The following FAM135B variants were observed in gnomAD, a reference collection of about 807,000 sequenced individuals.
FAM135B encodes family with sequence similarity 135 member B.
A neutral mutation model predicts 127.7 loss-of-function variants in FAM135B; 43 were observed. That is an observed-to-expected ratio of 0.34 (90% CI 0.26 to 0.43). FAM135B has a LOEUF of 0.43. FAM135B is among the 20% of genes least tolerant of loss of function. The pLI is 1.00. For missense variants in FAM135B, 1,558 were observed against 1,725.6 expected, an observed-to-expected ratio of 0.90 and a Z score of 1.72; for synonymous variants, 670 against 665.1, an observed-to-expected ratio of 1.01 and a Z score of -0.11.
At chr8:138,445,010 G>C (rs544975048) in intron 1 of FAM135B, among the ~76,000 whole-genome samples, 1 of 152,288 alleles carries the variant, frequency 6.6e-6, no homozygotes, top group South Asian at 2.1e-4. Flanking sequence ...TACCATCAGA[G>C]AATACTATAA....
chr8:138,344,494 T>A (rs1017747215), intron 2 of FAM135B, among the ~76,000 whole-genome samples: 2 of 152,004 alleles, frequency 1.3e-5, no homozygotes, highest in Non-Finnish European at 1.5e-5. Context: ...CCTTCAGGTC[T>A]CCTGTTAAAT....
At chr8:138,364,600 G>A (rs1830627241) in intron 2 of FAM135B, among the ~76,000 whole-genome samples, 1 of 152,142 alleles carries the variant, frequency 6.6e-6, no homozygotes, top group Admixed American at 6.6e-5. Context: ...CTAGAAGCTT[G>A]TAAGAATATT....
In FAM135B at chr8:138,132,976, T is replaced by C. The variant is rs1381797496; in HGVS notation, c.4016-178A>G. Among the ~76,000 whole-genome samples the C allele has an allele frequency of 6.6e-6, 1 of 152,260 alleles. No homozygotes were observed. The highest frequency in any genetic ancestry group is 6.5e-5 in the Admixed American group (1 of 15,288). ...AAATAAAATCAAAGTTCTCTTTTTC[T>C]AGTCAGATGACAATAGCCAGAAGTC... On this transcript the variant is annotated intron_variant, in intron 19 of 19. Coordinates refer to ENST00000395297, the MANE Select transcript of FAM135B (RefSeq NM_015912.4). This position sits in a 1 kb window ranked among gnomAD's most constrained non-coding sequence, Gnocchi z 4.5.
At chr8:138,347,548 G>A (rs374406038) in intron 2 of FAM135B, among the ~76,000 whole-genome samples, 11 of 152,264 alleles carry the variant, frequency 7.2e-5, no homozygotes, top group African/African-American at 2.4e-4. Flanking sequence ...TGCCCAGTCA[G>A]GATTGCACAC....
Position 138,457,843 on chromosome 8 carries a change from G to C in FAM135B, c.-20+38828C>G, listed in dbSNP as rs1225447650. 2.0e-5 allele frequency among the ~76,000 whole-genome samples: 3 copies of C among 152,154 alleles called. No individual in the cohort carries two copies. The East Asian group carries it at 5.8e-4, about 30-fold the overall frequency. On this transcript the variant is annotated intron_variant, in intron 1 of 19. Transcript: ENST00000395297. ...ACACAAAAAATTAGCCAGGCGCCCT[G>C]ATGGGCACCTGTAATCTCAGCTACT...
intron 13 of FAM135B, 62 bp downstream of exon 13, chr8:138,151,132 A>G: frequency 3.8e-6 from 5 of 1,313,776 alleles, no homozygotes; most frequent in Non-Finnish European, 4.1e-6. Context: ...CATGAAATGG[A>G]GAAATATGTG....
intron 2 of FAM135B, among the ~76,000 whole-genome samples, chr8:138,363,648 G>A (rs767876163): frequency 6.6e-6 from 1 of 152,186 alleles, no homozygotes; most frequent in Non-Finnish European, 1.5e-5. Context: ...TCATTACAAG[G>A]CAGTGTGCAT....
At chr8:138,339,433 C>A (rs9324484) in intron 2 of FAM135B, among the ~76,000 whole-genome samples, 134,772 of 150,914 alleles carry the variant, frequency 0.89, 61,447 homozygotes, top group Non-Finnish European at 0.98. Context: ...TCCCCCACCA[C>A]CCCCCACACA....
intron 1 of FAM135B, among the ~76,000 whole-genome samples, chr8:138,473,375 T>C (rs1159482880): frequency 6.6e-6 from 1 of 152,084 alleles, no homozygotes; most frequent in African/African-American, 2.4e-5. Flanking sequence ...CCAGCATCCT[T>C]AGAATGCTTT....
chr8:138,300,908 G>A (rs1388013252), intron 3 of FAM135B, among the ~76,000 whole-genome samples: 1 of 151,742 alleles, frequency 6.6e-6, no homozygotes, highest in Non-Finnish European at 1.5e-5. Flanking sequence ...GCACCAACAC[G>A]CCCAGCTAAT....
chr8:138,429,323 T>C (rs1835071386), intron 1 of FAM135B, among the ~76,000 whole-genome samples: 2 of 152,180 alleles, frequency 1.3e-5, no homozygotes, highest in Admixed American at 6.5e-5. Flanking sequence ...TTGCATGGTA[T>C]ATGATAGGTG....
At chr8:138,369,050 T>C (rs1223933585) in intron 1 of FAM135B, among the ~76,000 whole-genome samples, 1 of 152,178 alleles carries the variant, frequency 6.6e-6, no homozygotes, top group Non-Finnish European at 1.5e-5. Flanking sequence ...TGGAATGTGC[T>C]GGTGGTGTGG....
chr8:138,418,545 G>GAGAAGAGGT (rs1179175817), intron 1 of FAM135B, among the ~76,000 whole-genome samples: 1 of 151,880 alleles, frequency 6.6e-6, no homozygotes, highest in Non-Finnish European at 1.5e-5. Context: ...GGCAGCTAGA[G>GAGAAGAGGT]AGAAGAGGTA....
At chr8:138,422,121 C>T (rs1170919564) in intron 1 of FAM135B, among the ~76,000 whole-genome samples, 2 of 152,032 alleles carry the variant, frequency 1.3e-5, no homozygotes, top group South Asian at 2.1e-4. Flanking sequence ...AAAGTCAACA[C>T]AAAATGGATT....
Position 138,414,123 on chromosome 8 carries a change from T to TATA in FAM135B, c.-19-46124_-19-46122dup, listed in dbSNP as rs538823690. ...TCCCCTGTTCACACACAAATACATA[T>TATA]ATATATATATATATATGCACAAAAA... On this transcript the variant is annotated intron_variant, in intron 1 of 19. Coordinates refer to ENST00000395297, the MANE Select transcript of FAM135B (RefSeq NM_015912.4). Among the ~76,000 whole-genome samples the TATA allele has an allele frequency of 9.5e-3, 1,411 of 148,792 alleles. 37 individuals are homozygous for TATA. Among genetic ancestry groups the TATA allele is most frequent in the African/African-American group, 0.033 (1,327 of 40,474 alleles).
chr8:138,416,882 A>G (rs1176923132), intron 1 of FAM135B, among the ~76,000 whole-genome samples: 4 of 152,170 alleles, frequency 2.6e-5, no homozygotes, highest in Non-Finnish European at 5.9e-5. Flanking sequence ...ACCAGGACTC[A>G]GTCCTGGCCC....
At chr8:138,476,435 G>C (rs541094954) in intron 1 of FAM135B, among the ~76,000 whole-genome samples, 4 of 151,610 alleles carry the variant, frequency 2.6e-5, no homozygotes. Context: ...ATGCTGATGA[G>C]GGGCTGTGCA....
intron 11 of FAM135B, among the ~76,000 whole-genome samples, chr8:138,170,455 C>T (rs1820331385): frequency 1.3e-5 from 2 of 152,118 alleles, no homozygotes; most frequent in South Asian, 4.1e-4. Context: ...CTCCCGACCT[C>T]AGGTGATCTG....
chr8:138,256,363 A>G (rs976863532), intron 5 of FAM135B, among the ~76,000 whole-genome samples: 1 of 152,200 alleles, frequency 6.6e-6, no homozygotes, highest in African/African-American at 2.4e-5. Context: ...GTAGCCTCAT[A>G]GGGTCATTAA....
Sources: allele counts gnomAD v4.1 joint callset (sites outside exome capture counted in the v4.1 genomes callset), GRCh38; gene constraint gnomAD v4.1.1; non-coding constraint Gnocchi (gnomAD v3.1); transcripts MANE v1.5; gene names NCBI Gene and HGNC (gene_info 2026-07-23, HGNC 2026-07-21).